WWOX: variants seen among roughly 807,000 people sequenced by gnomAD.
WWOX encodes WW domain-containing oxidoreductase.
In WWOX, 69 loss-of-function variants were observed where a neutral mutation model predicts 46.2. The observed-to-expected ratio is 1.49, with a 90% CI of 1.23 to 1.82. The LOEUF (loss-of-function observed/expected upper bound fraction) is 1.82. Among genes scored for constraint, WWOX ranks in the 40% most tolerant of loss-of-function variants. The pLI is 0.00. For missense variants in WWOX, 919 were observed against 542.6 expected (o/e 1.69, Z -6.89); for synonymous variants, 359 against 202.6 (o/e 1.77, Z -6.56).
chr16:78,128,181 T>C (rs1166686962), intron 4 of WWOX, among the ~76,000 whole-genome samples: 3 of 151,972 alleles, frequency 2.0e-5, no homozygotes, highest in Non-Finnish European at 1.5e-5. Flanking sequence ...AAATAAGAGC[T>C]CTTGACTTTT....
chr16:79,084,022 A>G (rs1012727876), intron 8 of WWOX, among the ~76,000 whole-genome samples: 2 of 152,164 alleles, frequency 1.3e-5, no homozygotes, highest in African/African-American at 4.8e-5. Context: ...AACCACTCGC[A>G]TCAGTTTTAA....
chr16:78,397,959 C>T (rs2082326350), intron 6 of WWOX, among the ~76,000 whole-genome samples: 1 of 152,182 alleles, frequency 6.6e-6, no homozygotes, highest in Admixed American at 6.5e-5. Context: ...GAGGGTGCTG[C>T]TTCATGGAGT....
chr16:78,224,405 A>T (rs1222422871), intron 5 of WWOX, among the ~76,000 whole-genome samples: 1 of 145,716 alleles, frequency 6.9e-6, no homozygotes, highest in East Asian at 2.0e-4. Flanking sequence ...TTAAAAATTA[A>T]AAAAAAAAAA....
At chr16:78,685,264 T>A (rs1597443550) in intron 8 of WWOX, among the ~76,000 whole-genome samples, 1 of 152,300 alleles carries the variant, frequency 6.6e-6, no homozygotes, top group East Asian at 1.9e-4. Context: ...TTTGGTCTTG[T>A]TTCTAATGAC....
intron 8 of WWOX, among the ~76,000 whole-genome samples, chr16:78,592,251 T>C (rs1429111008): frequency 1.3e-5 from 2 of 152,262 alleles, no homozygotes; most frequent in South Asian, 2.1e-4. Context: ...TGTCACTTTT[T>C]AGAGGTCAGA....
intron 8 of WWOX, among the ~76,000 whole-genome samples, chr16:78,764,293 C>T (rs1407738043): frequency 6.6e-6 from 1 of 151,698 alleles, no homozygotes; most frequent in Non-Finnish European, 1.5e-5. Flanking sequence ...GCCACCCAGT[C>T]CAGTGAGTAT....
intron 8 of WWOX, among the ~76,000 whole-genome samples, chr16:78,696,014 G>A (rs927045141): frequency 2.0e-5 from 3 of 152,188 alleles, no homozygotes; most frequent in African/African-American, 7.2e-5. Context: ...TGGGGAGGGA[G>A]ACGAAGTGGG....
At chr16:79,054,392 C>G (rs921230133) in intron 8 of WWOX, among the ~76,000 whole-genome samples, 2 of 152,136 alleles carry the variant, frequency 1.3e-5, no homozygotes, top group African/African-American at 4.8e-5. Context: ...CAGTTGCATC[C>G]TAGAGGAGGA....
chr16:78,827,639 C>G (rs539691930), intron 8 of WWOX, among the ~76,000 whole-genome samples: 36 of 151,408 alleles, frequency 2.4e-4, no homozygotes, highest in African/African-American at 8.5e-4. Flanking sequence ...TCGAGACCAG[C>G]CTGGCCAACA....
rs145604254 is a variant in WWOX at position 78,106,103 on chromosome 16, C to G, written c.108-2320C>G. Among the ~76,000 whole-genome samples the G allele has an allele frequency of 3.1e-3, 477 of 152,274 alleles. 5 individuals carry two copies. The highest frequency in any genetic ancestry group is 0.011 in the African/African-American group (440 of 41,568). ...AGGCGTGAGCCACCGTACCCCGCCA[C>G]TCCATGGATTCTTGAGGGCAGAGTT... is the stretch of plus-strand genomic sequence containing the variant. On this transcript the variant is annotated intron_variant, in intron 1 of 8. Coordinates refer to ENST00000566780, the MANE Select transcript of WWOX (RefSeq NM_016373.4).
intron 8 of WWOX, among the ~76,000 whole-genome samples, chr16:78,830,869 C>T (rs536511786): frequency 6.6e-6 from 1 of 151,998 alleles, no homozygotes; most frequent in Non-Finnish European, 1.5e-5. Context: ...TCCTACAGCC[C>T]CATCCTTACC....
intron 8 of WWOX, among the ~76,000 whole-genome samples, chr16:78,813,709 T>C (rs919935155): frequency 1.3e-5 from 2 of 152,224 alleles, no homozygotes; most frequent in Non-Finnish European, 2.9e-5. Context: ...TGTTTTCTAC[T>C]ACCTGATACT....
chr16:78,973,572 GCA>G, intron 8 of WWOX, among the ~76,000 whole-genome samples: 1 of 152,182 alleles, frequency 6.6e-6, no homozygotes, highest in South Asian at 2.1e-4. Context: ...GGGGCAGGGG[GCA>G]CAGTTTTTCT....
At chr16:78,157,300 C>G (rs1255595637) in intron 4 of WWOX, among the ~76,000 whole-genome samples, 1 of 152,148 alleles carries the variant, frequency 6.6e-6, no homozygotes, top group Non-Finnish European at 1.5e-5. Flanking sequence ...GTCAGCAAGA[C>G]TTTGTTCGGT....
intron 8 of WWOX, among the ~76,000 whole-genome samples, chr16:79,161,213 T>C (rs567872906): frequency 1.3e-3 from 200 of 152,098 alleles, no homozygotes; most frequent in African/African-American, 4.6e-3. Context: ...TGACATGACA[T>C]TTGAGTGCAC....
At chr16:78,685,698 T>C (rs1342969295) in intron 8 of WWOX, among the ~76,000 whole-genome samples, 1 of 152,222 alleles carries the variant, frequency 6.6e-6, no homozygotes, top group Non-Finnish European at 1.5e-5. Context: ...ACAGAACTCC[T>C]GTCCTCCCTC....
At chr16:78,798,570 C>A (rs573429083) in intron 8 of WWOX, among the ~76,000 whole-genome samples, 2 of 147,176 alleles carry the variant, frequency 1.4e-5, no homozygotes, top group Admixed American at 1.4e-4. Flanking sequence ...TCCTCCCTCC[C>A]CCCAAGGTAG....
chr16:78,605,773 C>A (rs568404783), intron 8 of WWOX, among the ~76,000 whole-genome samples: 3 of 152,262 alleles, frequency 2.0e-5, no homozygotes, highest in Non-Finnish European at 2.9e-5. Flanking sequence ...GGAAGAAGCT[C>A]TGATGAAGCA....
At chr16:78,830,368 G>C (rs1191607418) in intron 8 of WWOX, among the ~76,000 whole-genome samples, 2 of 151,984 alleles carry the variant, frequency 1.3e-5, no homozygotes, top group African/African-American at 4.8e-5. Context: ...ACCTGCTCTT[G>C]AGAAAGTAGT....
Sources: allele counts gnomAD v4.1 joint callset (sites outside exome capture counted in the v4.1 genomes callset), GRCh38; gene constraint gnomAD v4.1.1; transcripts MANE v1.5; gene names NCBI Gene and HGNC (gene_info 2026-07-23, HGNC 2026-07-21).